Variants in NRG1 observed in about 807,000 individuals in gnomAD.
NRG1 encodes neuregulin 1.
NRG1 carries 18 observed loss-of-function variants against 63.8 expected under a neutral mutation model. That is an observed-to-expected ratio of 0.28 (90% CI 0.19 to 0.42). NRG1 has a LOEUF of 0.42. Ranked by LOEUF, NRG1 falls within the 10% of genes least tolerant of loss-of-function variation. The pLI is 1.00. For missense variants in NRG1, 762 were observed against 814.7 expected (o/e 0.94, Z 0.79); for synonymous variants, 302 against 301.3 (o/e 1.00, Z -0.02).
intron 1 of NRG1, among the ~76,000 whole-genome samples, chr8:31,986,593 C>G (rs925398935): frequency 1.3e-5 from 2 of 152,130 alleles, no homozygotes. Flanking sequence ...GAAGTATCAT[C>G]TGCACTTAGT....
intron 5 of NRG1, among the ~76,000 whole-genome samples, chr8:32,686,478 C>T (rs889535456): frequency 9.9e-5 from 15 of 152,172 alleles, no homozygotes; most frequent in African/African-American, 3.4e-4. Flanking sequence ...GTCAGGGAGA[C>T]AGGGCCGGTA....
At chr8:32,747,754 A>ATATC (rs962741921) in intron 7 of NRG1, among the ~76,000 whole-genome samples, 9 of 148,086 alleles carry the variant, frequency 6.1e-5, no homozygotes, top group African/African-American at 2.2e-4. Flanking sequence ...ATATATATAT[A>ATATC]TATACTTTAA....
chr8:31,663,324 A>G (rs1806194631), intron 1 of NRG1, among the ~76,000 whole-genome samples: 1 of 152,214 alleles, frequency 6.6e-6, no homozygotes, highest in Non-Finnish European at 1.5e-5. Flanking sequence ...ATTTATGAAA[A>G]TGATGCTTAT....
chr8:32,337,669 A>AT, intron 1 of NRG1, among the ~76,000 whole-genome samples: 1 of 129,948 alleles, frequency 7.7e-6, no homozygotes, highest in Non-Finnish European at 1.7e-5. Context: ...AAAAAAAAAA[A>AT]AAAAAAAAAA....
chr8:32,260,066 T>C (rs1850195292), intron 1 of NRG1, among the ~76,000 whole-genome samples: 1 of 152,308 alleles, frequency 6.6e-6, no homozygotes, highest in South Asian at 2.1e-4. Context: ...CTTGATAAAA[T>C]GAGTGATACT....
chr8:32,354,990 A>G (rs1248282066), intron 1 of NRG1, among the ~76,000 whole-genome samples: 3 of 151,912 alleles, frequency 2.0e-5, no homozygotes, highest in Admixed American at 6.6e-5. Flanking sequence ...ATCTAAATTA[A>G]CAATTTAAAA....
chr8:31,887,213 C>A (rs754769254), intron 1 of NRG1, among the ~76,000 whole-genome samples: 2 of 151,784 alleles, frequency 1.3e-5, no homozygotes, highest in African/African-American at 4.8e-5. Context: ...ATGGTTTTCC[C>A]GTGATAGAGA....
rs1304405802 is a variant in NRG1, at chr8:32,287,205, G to A, written c.38-308623G>A. On this transcript the variant is annotated intron_variant, in intron 1 of 10. Coordinates refer to the NRG1 transcript ENST00000519301. The stretch of plus-strand genomic sequence containing the variant: ...TGTTTACGTGGTAAAGACAAGGTTC[G>A]GAGAGAAATGGTTGAAACCAGCATA... The A allele has an allele frequency of 2.0e-5, 3 of 152,272 alleles. No homozygotes were observed. In the East Asian group the frequency reaches 5.8e-4, roughly 29 times the overall value. The allele number at this position is 152,272 out of a possible 1,614,324, so 9.4% of individuals were successfully genotyped here. A position where few individuals can be genotyped will look rare whatever the true frequency, so the allele number is the denominator to read the frequency against.
chr8:31,880,783 A>G (rs1830289928), intron 1 of NRG1, among the ~76,000 whole-genome samples: 1 of 152,220 alleles, frequency 6.6e-6, no homozygotes. Context: ...TTGTTTTGCT[A>G]TGGGTAGCAT....
intron 5 of NRG1, among the ~76,000 whole-genome samples, chr8:32,695,256 G>T (rs897362009): frequency 1.3e-5 from 2 of 151,976 alleles, no homozygotes; most frequent in African/African-American, 4.8e-5. Context: ...CAGAAGAATC[G>T]CTTGGACCTG....
intron 1 of NRG1, among the ~76,000 whole-genome samples, chr8:32,101,353 A>C (rs1830551769): frequency 6.6e-6 from 1 of 152,162 alleles, no homozygotes; most frequent in Non-Finnish European, 1.5e-5. Context: ...CCTTGCATGC[A>C]CACAAAGCAG....
At chr8:32,763,170 T>C in intron 11 of NRG1, 1 of 1,579,892 alleles carries the variant, frequency 6.3e-7, no homozygotes, top group Non-Finnish European at 8.7e-7. Flanking sequence ...TGTATGACAC[T>C]GTTGTCAGGA....
chr8:31,853,764 T>C (rs1023001191), intron 1 of NRG1, among the ~76,000 whole-genome samples: 75 of 152,144 alleles, frequency 4.9e-4, no homozygotes, highest in Middle Eastern at 6.8e-3. Flanking sequence ...TAGATAGCTC[T>C]TATTATTTTG....
intron 1 of NRG1, among the ~76,000 whole-genome samples, chr8:32,439,943 A>G (rs117861361): frequency 0.052 from 7,967 of 152,018 alleles, 281 homozygotes; most frequent in Middle Eastern, 0.085. Context: ...CACCTGGTAT[A>G]TTAGTTTATT....
intron 1 of NRG1, among the ~76,000 whole-genome samples, chr8:32,240,925 T>C (rs1207105835): frequency 1.3e-5 from 2 of 152,042 alleles, no homozygotes; most frequent in African/African-American, 4.8e-5. Flanking sequence ...GAGAAAATGT[T>C]GCAAGAGAAG....
intron 1 of NRG1, among the ~76,000 whole-genome samples, chr8:32,350,777 T>C (rs1010285366): frequency 6.6e-6 from 1 of 152,022 alleles, no homozygotes; most frequent in Non-Finnish European, 1.5e-5. Context: ...TTATAAATAA[T>C]ATAAGATTGT....
At chr8:32,576,019 G>C (rs1315353972) in intron 1 of NRG1, among the ~76,000 whole-genome samples, 1 of 152,010 alleles carries the variant, frequency 6.6e-6, no homozygotes, top group Non-Finnish European at 1.5e-5. Flanking sequence ...TGACAAAATT[G>C]TATGTATTTA....
At chr8:32,226,482 T>A (rs1846337950) in intron 1 of NRG1, among the ~76,000 whole-genome samples, 1 of 152,176 alleles carries the variant, frequency 6.6e-6, no homozygotes, top group Non-Finnish European at 1.5e-5. Context: ...AAGGGTACAT[T>A]GCTTTAGGAA....
At chr8:31,994,747 A>C (rs1285205618) in intron 1 of NRG1, among the ~76,000 whole-genome samples, 1 of 148,034 alleles carries the variant, frequency 6.8e-6, no homozygotes, top group Non-Finnish European at 1.5e-5. Flanking sequence ...ATGCTTTTAC[A>C]CAGAACCCTA....
Sources: allele counts gnomAD v4.1 joint callset (sites outside exome capture counted in the v4.1 genomes callset), GRCh38; gene constraint gnomAD v4.1.1; transcripts MANE v1.5; gene names NCBI Gene and HGNC (gene_info 2026-07-23, HGNC 2026-07-21).